Variants in FLT1 observed in about 807,000 individuals in gnomAD.
FLT1 encodes the protein vascular endothelial growth factor receptor 1.
FLT1 carries 49 observed loss-of-function variants against 156.3 expected under a neutral mutation model. That is an observed-to-expected ratio of 0.31 (90% CI 0.25 to 0.40). FLT1 has a LOEUF of 0.40. Among genes scored for constraint, FLT1 ranks in the 10% least tolerant of loss-of-function variants. The probability of loss-of-function intolerance (pLI) is 1.00; values close to 1 mark genes in which losing one functional copy is unlikely to be tolerated. For synonymous variants in FLT1, 594 were observed against 583.8 expected (o/e 1.02, Z -0.25); for missense variants, 1,322 against 1,637.2 (o/e 0.81, Z 3.32).
At chr13:28,354,391 T>A (rs1872828141) in intron 15 of FLT1, among the ~76,000 whole-genome samples, 1 of 152,152 alleles carries the variant, frequency 6.6e-6, no homozygotes, top group South Asian at 2.1e-4. Flanking sequence ...TTCACTACCA[T>A]CTCCCTTCCT....
At chr13:28,452,573 C>T (rs1879010208) in intron 3 of FLT1, among the ~76,000 whole-genome samples, 1 of 152,160 alleles carries the variant, frequency 6.6e-6, no homozygotes, top group Admixed American at 6.5e-5. Context: ...CTTCCTTCCA[C>T]TTTGGGACAG....
intron 10 of FLT1, among the ~76,000 whole-genome samples, chr13:28,418,759 A>T (rs1268152878): frequency 6.6e-6 from 1 of 151,730 alleles, no homozygotes; most frequent in Non-Finnish European, 1.5e-5. Context: ...TTTTGTAGAG[A>T]TGGGGCCTCT....
chr13:28,388,278 C>A, intron 13 of FLT1: 1 of 1,056,362 alleles, frequency 9.5e-7, no homozygotes, highest in Non-Finnish European at 1.1e-6. Flanking sequence ...TACTCTTTCA[C>A]GTTTGACAAA....
chr13:28,445,440 A>C (rs1298530039), intron 3 of FLT1, among the ~76,000 whole-genome samples: 2 of 152,198 alleles, frequency 1.3e-5, no homozygotes, highest in Non-Finnish European at 2.9e-5. Context: ...GTGCCACTGC[A>C]CTCCAGCCTG....
At chr13:28,385,989 C>G in intron 13 of FLT1, 4 of 1,051,326 alleles carry the variant, frequency 3.8e-6, no homozygotes, top group Non-Finnish European at 4.6e-6. Context: ...CCCACCCTCC[C>G]AAGTCATTCC....
chr13:28,368,075 AG>A, intron 14 of FLT1: 3 of 701,400 alleles, frequency 4.3e-6, no homozygotes, highest in Non-Finnish European at 5.3e-6. Context: ...ATAAAGGATC[AG>A]GCTCAGAGTA....
chr13:28,397,183 A>G, intron 11 of FLT1, 115 bp from the exon 12 acceptor site: 1 of 708,422 alleles, frequency 1.4e-6, no homozygotes. Context: ...CAAAGAGAGT[A>G]TTGCATAGGT....
In FLT1 at chr13:28,319,469, G is replaced by A. The variant is rs116034414; in HGVS notation, c.3240C>T (p.Ser1080=). 3.2e-5 allele frequency: 52 copies of A among 1,613,800 alleles called. No individual in the cohort carries two copies. Among genetic ancestry groups the A allele is most frequent in the East Asian group, 2.2e-4 (10 of 44,886 alleles). ...SIFDKIYSTK[S]DVWSYGVLLW... ...GCAATACTCCGTAAGACCACACGTCGCTCTTGGTGCTGTAGATTTTGTCAA... is the reference window on the plus strand; with the variant it reads ...GCAATACTCCGTAAGACCACACGTCACTCTTGGTGCTGTAGATTTTGTCAA... Residue 1080 remains serine, a synonymous_variant, in exon 24 of 30, where the codon AGC becomes AGT. Coordinates refer to ENST00000282397, the MANE Select transcript of FLT1 (RefSeq NM_002019.4).
intron 18 of FLT1, among the ~76,000 whole-genome samples, chr13:28,332,643 G>T (rs1374386891): frequency 6.6e-6 from 1 of 152,202 alleles, no homozygotes; most frequent in Non-Finnish European, 1.5e-5. Flanking sequence ...AAAGCTGGAA[G>T]ACTTTCGCAC....
In FLT1 at chr13:28,438,339, C is replaced by T. The variant is rs140749618; in HGVS notation, c.395G>A (p.Gly132Asp). Residue 132 changes from glycine to aspartate, a missense_variant, in exon 4 of 30, where the codon GGT becomes GAT. Physicochemically the swap from Gly to Asp is moderately conservative, Grantham distance 94 (BLOSUM62 -1). Coordinates refer to ENST00000282397, the MANE Select transcript of FLT1 (RefSeq NM_002019.4). Reference protein sequence around the residue: ...SAIYIFISDTGRPFVEMYSEI... With the variant: ...SAIYIFISDTDRPFVEMYSEI... Reference sequence around the variant, plus strand: ...ACTGTACATCTCTACGAAAGGTCTACCTGTATCTGAATGAGAAGAAAATGA... The same window carrying T: ...ACTGTACATCTCTACGAAAGGTCTATCTGTATCTGAATGAGAAGAAAATGA... 71 of 1,609,308 alleles carry T rather than the reference C, an allele frequency of 4.4e-5. No homozygotes were observed. In the African/African-American group the frequency reaches 9.1e-4, roughly 21 times the overall value.
intron 14 of FLT1, among the ~76,000 whole-genome samples, chr13:28,372,063 TATATATA>T (rs1177708174): frequency 4.0e-4 from 12 of 29,916 alleles, no homozygotes; most frequent in African/African-American, 9.3e-4. Context: ...TATATATATA[TATATATA>T]TATATATTTT....
intron 11 of FLT1, among the ~76,000 whole-genome samples, chr13:28,400,875 T>C (rs188535922): frequency 2.6e-4 from 40 of 152,252 alleles, no homozygotes; most frequent in Admixed American, 7.9e-4. Flanking sequence ...TTTTCCACAA[T>C]TGAAAATAAA....
At chr13:28,361,285 CAA>C (rs797012838) in intron 14 of FLT1, among the ~76,000 whole-genome samples, 3 of 146,198 alleles carry the variant, frequency 2.1e-5, no homozygotes, top group African/African-American at 7.5e-5. Flanking sequence ...TCTCAAAAAA[CAA>C]AAAAAAAAGA....
At chr13:28,416,113 A>ACTTCCTCAAACAAC (rs1181241064) in intron 10 of FLT1, among the ~76,000 whole-genome samples, 1 of 152,190 alleles carries the variant, frequency 6.6e-6, no homozygotes, top group East Asian at 1.9e-4. Context: ...ATGACATTTA[A>ACTTCCTCAAACAAC]CTTCCTCAAA....
chr13:28,364,093 C>G (rs775848271), intron 14 of FLT1, among the ~76,000 whole-genome samples: 1 of 152,140 alleles, frequency 6.6e-6, no homozygotes, highest in South Asian at 2.1e-4. Flanking sequence ...TTTTTGTCAA[C>G]GATTTTAGGG....
At position 28,389,916 on chromosome 13, in the gene FLT1, T is replaced by G; in HGVS notation, c.1849A>C (p.Ile617Leu). The G allele has an allele frequency of 6.2e-7, 1 of 1,614,214 alleles. No individual in the cohort carries two copies. Among genetic ancestry groups the G allele is most frequent in the Non-Finnish European group, 8.5e-7 (1 of 1,180,036 alleles). ...TTCATGATGGTAAGATTAAGAGTGATGGAGTGCTCCTTAGTGATGGCCATT... is the reference window on the plus strand; with the variant it reads ...TTCATGATGGTAAGATTAAGAGTGAGGGAGTGCTCCTTAGTGATGGCCATT... ...QKMAITKEHS[I>L]TLNLTIMNVS... Residue 617 changes from isoleucine (I) to leucine (L), a missense_variant, in exon 13 of 30, where the codon ATC (isoleucine) becomes CTC (leucine). By Grantham distance (5) the Ile-to-Leu change is conservative. This residue lies in a region of FLT1 where 991 missense variants were observed against 1,254.8 expected (regional missense o/e 0.79). Coordinates refer to ENST00000282397, the MANE Select transcript of FLT1 (RefSeq NM_002019.4).
intron 1 of FLT1, among the ~76,000 whole-genome samples, chr13:28,476,128 T>TGCACACACACACACAC (rs1263178257): frequency 6.6e-6 from 1 of 151,334 alleles, no homozygotes; most frequent in East Asian, 1.9e-4. Context: ...CACACACACA[T>TGCACACACACACACAC]GCACACACAC....
intron 1 of FLT1, among the ~76,000 whole-genome samples, chr13:28,484,150 C>G (rs2137661182): frequency 6.6e-6 from 1 of 152,326 alleles, no homozygotes; most frequent in Admixed American, 6.5e-5. Context: ...CCCTGGGGGA[C>G]AGTTAATGTC....
intron 1 of FLT1, among the ~76,000 whole-genome samples, chr13:28,481,189 C>G (rs1880820196): frequency 6.6e-6 from 1 of 152,194 alleles, no homozygotes; most frequent in African/African-American, 2.4e-5. Flanking sequence ...AGTTAACAGT[C>G]TCCCAGCAGG....
Sources: allele counts gnomAD v4.1 joint callset (sites outside exome capture counted in the v4.1 genomes callset), GRCh38; gene constraint gnomAD v4.1.1; regional missense constraint gnomAD v4.1.1; transcripts MANE v1.5; gene names NCBI Gene and HGNC (gene_info 2026-07-23, HGNC 2026-07-21).